The following MYO16 variants were observed in gnomAD, a reference collection of about 807,000 sequenced individuals.
The protein encoded by MYO16 is unconventional myosin-XVI.
In MYO16, 94 loss-of-function variants were observed where a neutral mutation model predicts 205.3. That is an observed-to-expected ratio of 0.46 (90% CI 0.39 to 0.54). The LOEUF (loss-of-function observed/expected upper bound fraction) is 0.54. MYO16 is among the 20% of genes least tolerant of loss of function. MYO16 has a pLI of 0.00. For synonymous variants in MYO16, 988 were observed against 954.0 expected (o/e 1.04, Z -0.66); for missense variants, 2,315 against 2,387.5 (o/e 0.97, Z 0.63).
At chr13:108,523,130 A>G in the MYO16 span, among the ~76,000 whole-genome samples, 2 of 152,158 alleles carry the variant, frequency 1.3e-5, no homozygotes, top group African/African-American at 2.4e-5. Flanking sequence ...GGCCCCAGTG[A>G]CAGTGAAACA....
At chr13:108,574,669 T>TTGTGTG in the MYO16 span, among the ~76,000 whole-genome samples, 19,538 of 136,240 alleles carry the variant, frequency 0.14, 1,360 homozygotes, top group East Asian at 0.2. Flanking sequence ...CAATAACAAT[T>TTGTGTG]TGTGTGTGTG....
chr13:108,741,119 T>A (rs899861708), intron 4 of MYO16, among the ~76,000 whole-genome samples: 21 of 152,196 alleles, frequency 1.4e-4, no homozygotes, highest in African/African-American at 4.8e-4. Context: ...CAGCTCTTAC[T>A]CGGTGGGCTT....
chr13:109,122,149 G>A (rs1245694878), intron 29 of MYO16, among the ~76,000 whole-genome samples: 1 of 152,188 alleles, frequency 6.6e-6, no homozygotes, highest in Non-Finnish European at 1.5e-5. Context: ...TTTATCTGCA[G>A]CCTTAGCTGA....
At chr13:108,966,723 C>T (rs974266352) in intron 20 of MYO16, among the ~76,000 whole-genome samples, 1 of 152,122 alleles carries the variant, frequency 6.6e-6, no homozygotes, top group African/African-American at 2.4e-5. Context: ...CTCTATTTCT[C>T]CCATGAGTCA....
intron 23 of MYO16, among the ~76,000 whole-genome samples, chr13:109,023,437 T>G (rs1489756636): frequency 1.1e-5 from 1 of 93,070 alleles, no homozygotes; most frequent in Non-Finnish European, 1.9e-5. Flanking sequence ...TATTTATATA[T>G]TATACAGATA....
intron 1 of MYO16, among the ~76,000 whole-genome samples, chr13:108,619,350 G>C (rs1340885493): frequency 6.6e-6 from 1 of 151,894 alleles, no homozygotes; most frequent in Non-Finnish European, 1.5e-5. Context: ...TCTAAAATTC[G>C]GTTCCCTGCT....
At chr13:108,953,486 A>G (rs1594421844) in intron 16 of MYO16, among the ~76,000 whole-genome samples, 2 of 152,300 alleles carry the variant, frequency 1.3e-5, no homozygotes, top group East Asian at 3.9e-4. Flanking sequence ...ACTGTGAACT[A>G]GAAATGGAGA....
chr13:108,658,874 C>G (rs1320906838), intron 1 of MYO16, among the ~76,000 whole-genome samples: 1 of 152,018 alleles, frequency 6.6e-6, no homozygotes, highest in Non-Finnish European at 1.5e-5. Flanking sequence ...AAATTGTCTG[C>G]AAGTTTCTAT....
chr13:108,758,575 C>T (rs9521008), intron 4 of MYO16, among the ~76,000 whole-genome samples: 32 of 152,190 alleles, frequency 2.1e-4, no homozygotes, highest in Non-Finnish European at 4.3e-4. Context: ...CTTTCAATTT[C>T]AGTCATCAAT....
the MYO16 span, among the ~76,000 whole-genome samples, chr13:108,572,737 C>T: frequency 6.6e-6 from 1 of 152,134 alleles, no homozygotes; most frequent in Non-Finnish European, 1.5e-5. Flanking sequence ...TGGTGACCTC[C>T]ACTTAATGGT....
At chr13:108,904,919 A>G (rs1880889326) in intron 15 of MYO16, among the ~76,000 whole-genome samples, 1 of 152,218 alleles carries the variant, frequency 6.6e-6, no homozygotes, top group Non-Finnish European at 1.5e-5. Flanking sequence ...GCAGTTTTTT[A>G]TATAGTACAC....
Position 108,823,234 on chromosome 13 carries a change from C to G in MYO16, c.1053C>G (p.Pro351=), listed in dbSNP as rs1876076821. ...CTTCTACCTTAGCTCAAGAAGAGCC[C>G]TATGAAGAGATCATTCACGATCTTC... ...LSASTLAQEE[P]YEEIIHDLPV... The change falls in exon 9 of 35, where the codon CCC becomes CCG. Residue 351 remains proline (P), a synonymous_variant. Coordinates refer to ENST00000457511, the MANE Select transcript of MYO16 (RefSeq NM_001198950.3). 2 of 1,612,772 alleles carry G rather than the reference C, an allele frequency of 1.2e-6. No homozygotes were observed. The highest frequency in any genetic ancestry group is 1.7e-6 in the Non-Finnish European group (2 of 1,179,218).
intron 4 of MYO16, among the ~76,000 whole-genome samples, chr13:108,750,607 A>G (rs1336902530): frequency 1.4e-5 from 1 of 71,444 alleles, no homozygotes; most frequent in Non-Finnish European, 3.0e-5. Context: ...CATCTCTACT[A>G]AAACTACAGA....
At chr13:108,608,858 G>A (rs1261464230) in intron 1 of MYO16, among the ~76,000 whole-genome samples, 1 of 152,084 alleles carries the variant, frequency 6.6e-6, no homozygotes, top group African/African-American at 2.4e-5. Flanking sequence ...TGGCCAGGTT[G>A]GTCCCAAACA....
At chr13:108,939,577 G>C (rs538386540) in intron 16 of MYO16, among the ~76,000 whole-genome samples, 1 of 152,282 alleles carries the variant, frequency 6.6e-6, no homozygotes, top group East Asian at 1.9e-4. Context: ...GAGGCACACT[G>C]AATGCCTCTA....
chr13:109,067,481 G>A (rs1016565648), intron 27 of MYO16, among the ~76,000 whole-genome samples: 2 of 152,172 alleles, frequency 1.3e-5, no homozygotes, highest in Non-Finnish European at 2.9e-5. Context: ...CAGGACATGA[G>A]ATTTGTACTG....
chr13:109,166,001 G>T (rs1325096812), intron 33 of MYO16, among the ~76,000 whole-genome samples: 1 of 152,168 alleles, frequency 6.6e-6, no homozygotes, highest in African/African-American at 2.4e-5. Context: ...TCCCCAAAGG[G>T]CAGTAATAGC....
intron 6 of MYO16, among the ~76,000 whole-genome samples, chr13:108,800,804 C>A (rs1432992279): frequency 2.0e-5 from 3 of 152,066 alleles, no homozygotes; most frequent in African/African-American, 7.2e-5. Flanking sequence ...TCAGTAAGAA[C>A]AGATCCAGTG....
intron 24 of MYO16, 51 bp downstream of exon 24, chr13:109,047,042 G>A (rs542392192): frequency 1.1e-4 from 141 of 1,290,588 alleles, no homozygotes; most frequent in South Asian, 1.7e-4. Context: ...CCATGCATCC[G>A]TTATTTCTTT....
Sources: allele counts gnomAD v4.1 joint callset (sites outside exome capture counted in the v4.1 genomes callset), GRCh38; gene constraint gnomAD v4.1.1; transcripts MANE v1.5; gene names NCBI Gene and HGNC (gene_info 2026-07-23, HGNC 2026-07-21).